Variants in USP13 observed in about 807,000 individuals in gnomAD.
USP13 encodes the protein ubiquitin carboxyl-terminal hydrolase 13.
A neutral mutation model predicts 107.8 loss-of-function variants in USP13; 68 were observed. That is an observed-to-expected ratio of 0.63 (90% CI 0.52 to 0.77). The LOEUF is 0.77. Among genes scored for constraint, USP13 ranks in the 30% least tolerant of loss-of-function variants. The pLI is 0.00. For synonymous variants in USP13, 377 were observed against 389.5 expected (o/e 0.97, Z 0.38); for missense variants, 945 against 1,093.3 (o/e 0.86, Z 1.91).
intron 3 of USP13, among the ~76,000 whole-genome samples, chr3:179,696,121 AG>A (rs1360262113): frequency 6.6e-6 from 1 of 152,194 alleles, no homozygotes; most frequent in Non-Finnish European, 1.5e-5. Flanking sequence ...ATAGGAAATA[AG>A]GGTGGCAGTG....
At position 179,760,444 on chromosome 3, in the gene USP13, C is replaced by T. The variant is rs527511294; in HGVS notation, c.1949-668C>T. 1.8e-3 allele frequency among the ~76,000 whole-genome samples: 268 copies of T among 151,994 alleles called. 1 individual carries two copies. The highest frequency in any genetic ancestry group is 6.2e-3 in the African/African-American group (255 of 41,416). On this transcript the variant is annotated intron_variant, in intron 16 of 20. Transcript: ENST00000263966. ...GATTACAGGTGCCCACCACCACGCC[C>T]GGCTAATTTTTTGTATTTTTAGTAG...
intron 10 of USP13, among the ~76,000 whole-genome samples, chr3:179,734,115 A>G (rs1022680214): frequency 6.6e-6 from 1 of 152,194 alleles, no homozygotes; most frequent in Non-Finnish European, 1.5e-5. Flanking sequence ...TAGAATATAT[A>G]CTTCCCAGTA....
At chr3:179,684,270 TACACACACACAC>T (rs58817778) in intron 2 of USP13, among the ~76,000 whole-genome samples, 7 of 116,022 alleles carry the variant, frequency 6.0e-5, no homozygotes, top group East Asian at 2.7e-4. Flanking sequence ...TATCACCCTT[TACACACACACAC>T]ACACACACAC....
At chr3:179,654,549 C>T (rs1261914862) in intron 1 of USP13, among the ~76,000 whole-genome samples, 1 of 152,146 alleles carries the variant, frequency 6.6e-6, no homozygotes, top group African/African-American at 2.4e-5. Flanking sequence ...AGTGACTCAG[C>T]TGTCTGGCGT....
intron 16 of USP13, among the ~76,000 whole-genome samples, chr3:179,760,142 G>A (rs1415796705): frequency 6.6e-6 from 1 of 151,988 alleles, no homozygotes; most frequent in Non-Finnish European, 1.5e-5. Context: ...TGTAATTTGA[G>A]AACAGTGTGT....
chr3:179,707,788 T>A (rs1238997981), intron 5 of USP13, among the ~76,000 whole-genome samples: 1 of 152,130 alleles, frequency 6.6e-6, no homozygotes, highest in Non-Finnish European at 1.5e-5. Context: ...GGCAGATGGA[T>A]TAGGAATGTG....
intron 1 of USP13, among the ~76,000 whole-genome samples, chr3:179,657,515 C>T (rs997481814): frequency 1.2e-4 from 18 of 152,044 alleles, no homozygotes; most frequent in African/African-American, 4.3e-4. Flanking sequence ...GTAATTCCAG[C>T]ACTTTGGGAG....
intron 16 of USP13, among the ~76,000 whole-genome samples, chr3:179,759,216 C>T (rs1289848091): frequency 2.6e-5 from 4 of 151,980 alleles, no homozygotes; most frequent in Non-Finnish European, 5.9e-5. Flanking sequence ...CTCCTGACCT[C>T]GTCATCTGCC....
chr3:179,694,929 C>A (rs1712240792), intron 3 of USP13, among the ~76,000 whole-genome samples: 1 of 152,336 alleles, frequency 6.6e-6, no homozygotes, highest in South Asian at 2.1e-4. Context: ...TCAGTTTACG[C>A]CTCTCTGGCA....
At chr3:179,764,840 C>T (rs943188003) in intron 18 of USP13, among the ~76,000 whole-genome samples, 1 of 152,170 alleles carries the variant, frequency 6.6e-6, no homozygotes, top group African/African-American at 2.4e-5. Context: ...TCAATTACTT[C>T]TTGCCTATCC....
rs73052556 is a variant in USP13, at chr3:179,653,695, T to C, written c.168+302T>C. The C allele has an allele frequency of 0.24, 83,007 of 343,342 alleles. 10,847 individuals are homozygous for C. The highest frequency in any genetic ancestry group is 0.34 in the African/African-American group (15,877 of 46,272). The allele number at this position is 343,342 out of a possible 1,614,324, so 21.3% of individuals were successfully genotyped here. A position where few individuals can be genotyped will look rare whatever the true frequency, so the allele number is the denominator to read the frequency against. On this transcript the variant is annotated intron_variant, in intron 1 of 20. Coordinates refer to ENST00000263966, the MANE Select transcript of USP13 (RefSeq NM_003940.3). This position sits in a 1 kb window ranked among gnomAD's most constrained non-coding sequence, Gnocchi z 4.0. ...TAGATGAAATACAAGAGTTCCCTGT[T>C]CCGAACTGCACGTTGCAGATCGTTT...
intron 1 of USP13, among the ~76,000 whole-genome samples, chr3:179,673,983 T>G (rs1399101544): frequency 6.6e-6 from 1 of 152,134 alleles, no homozygotes; most frequent in Admixed American, 6.6e-5. Context: ...ACCTCCGCCT[T>G]TCGGGTTCAA....
intron 10 of USP13, among the ~76,000 whole-genome samples, chr3:179,732,746 A>G (rs1713851075): frequency 1.5e-5 from 1 of 67,118 alleles, no homozygotes; most frequent in South Asian, 4.9e-4. Flanking sequence ...CTTTTATGTT[A>G]AAAAAAGTAG....
chr3:179,731,786 G>A (rs995636878), intron 10 of USP13, among the ~76,000 whole-genome samples: 11 of 152,146 alleles, frequency 7.2e-5, no homozygotes, highest in Non-Finnish European at 1.5e-4. Context: ...AGTGGAACGC[G>A]TGCCCCACTT....
intron 18 of USP13, among the ~76,000 whole-genome samples, chr3:179,764,645 A>G (rs1715115892): frequency 6.6e-6 from 1 of 152,178 alleles, no homozygotes; most frequent in South Asian, 2.1e-4. Context: ...GCAGAAAGAG[A>G]AGGTTCTTCT....
In USP13 at chr3:179,773,249, G is replaced by A. The variant is rs556174965; in HGVS notation, c.2413+7401G>A. 9.9e-5 allele frequency among the ~76,000 whole-genome samples: 15 copies of A among 152,278 alleles called. No homozygotes were observed. In the South Asian group the frequency reaches 2.5e-3, roughly 25 times the overall value. On this transcript the variant is annotated intron_variant, in intron 19 of 20. Transcript: ENST00000263966. ...GTAAGTTGGCAATTTTATTTCCCCCGCTTTGTACAGAGGGAGTTAGAGATA... is the reference window on the plus strand; with the variant it reads ...GTAAGTTGGCAATTTTATTTCCCCCACTTTGTACAGAGGGAGTTAGAGATA...
At chr3:179,671,752 G>A (rs1720754929) in intron 1 of USP13, among the ~76,000 whole-genome samples, 1 of 151,664 alleles carries the variant, frequency 6.6e-6, no homozygotes, top group African/African-American at 2.4e-5. Flanking sequence ...TTTCCTGTCC[G>A]CTCTTTTTTG....
chr3:179,704,687 G>A (rs2108478390), intron 4 of USP13, among the ~76,000 whole-genome samples: 1 of 152,318 alleles, frequency 6.6e-6, no homozygotes, highest in Non-Finnish European at 1.5e-5. Flanking sequence ...GGCATTTCTG[G>A]AAGGTGATGG....
At chr3:179,747,544 G>A (rs1040467304) in intron 13 of USP13, among the ~76,000 whole-genome samples, 1 of 152,148 alleles carries the variant, frequency 6.6e-6, no homozygotes, top group Non-Finnish European at 1.5e-5. Flanking sequence ...GTCTGTGCCT[G>A]CCTCTCCCTA....
Sources: allele counts gnomAD v4.1 joint callset (sites outside exome capture counted in the v4.1 genomes callset), GRCh38; gene constraint gnomAD v4.1.1; non-coding constraint Gnocchi (gnomAD v3.1); transcripts MANE v1.5; gene names NCBI Gene and HGNC (gene_info 2026-07-23, HGNC 2026-07-21).